Variants in RIMS2 observed in about 807,000 individuals in gnomAD.
The protein encoded by RIMS2 is regulating synaptic membrane exocytosis protein 2.
RIMS2 carries 59 observed loss-of-function variants against 174.4 expected under a neutral mutation model. The observed-to-expected ratio is 0.34, with a 90% confidence interval of 0.27 to 0.42. The LOEUF (loss-of-function observed/expected upper bound fraction) is 0.42. Among genes scored for constraint, RIMS2 ranks in the 10% least tolerant of loss-of-function variants. The pLI is 1.00. For synonymous variants in RIMS2, 606 were observed against 572.5 expected, an observed-to-expected ratio of 1.06 and a Z score of -0.84; for missense variants, 1,620 against 1,666.3, an observed-to-expected ratio of 0.97 and a Z score of 0.48.
intron 19 of RIMS2, among the ~76,000 whole-genome samples, chr8:104,024,781 G>T (rs2154555452): frequency 6.6e-6 from 1 of 152,252 alleles, no homozygotes; most frequent in South Asian, 2.1e-4. Context: ...TAAGATTGTG[G>T]TACATATTCA....
intron 19 of RIMS2, among the ~76,000 whole-genome samples, chr8:104,055,574 G>A (rs1450612468): frequency 1.3e-5 from 2 of 151,842 alleles, no homozygotes; most frequent in Admixed American, 1.3e-4. Context: ...CTTCTCTGAG[G>A]GAATTTTCAT....
chr8:103,770,490 CG>C (rs2098239196), intron 3 of RIMS2, among the ~76,000 whole-genome samples: 1 of 152,034 alleles, frequency 6.6e-6, no homozygotes, highest in African/African-American at 2.4e-5. Context: ...GTAGCAGAAT[CG>C]CTTGAACCTG....
Position 104,051,826 on chromosome 8 carries a change from T to C in RIMS2, c.3334+37211T>C, listed in dbSNP as rs542817383. 2.6e-4 allele frequency among the ~76,000 whole-genome samples: 39 copies of C among 152,334 alleles called. No individual in the cohort carries two copies. In the South Asian group the frequency reaches 6.4e-3, roughly 25 times the overall value. The stretch of plus-strand genomic sequence containing the variant: ...AGAAAAAAATAAGTCCTAGCACATA[T>C]AGTTGTGCTGATTAAGTGACAGACA... On this transcript the variant is annotated intron_variant, in intron 19 of 23. Coordinates refer to ENST00000504942, the Ensembl canonical transcript of RIMS2.
chr8:103,907,064 T>G (rs1027283247), intron 4 of RIMS2, among the ~76,000 whole-genome samples: 1 of 152,242 alleles, frequency 6.6e-6, no homozygotes, highest in African/African-American at 2.4e-5. Context: ...TTTTATAAAT[T>G]AGTTTCTTAA....
chr8:104,226,679 G>A (rs1298049878), intron 19 of RIMS2, among the ~76,000 whole-genome samples: 1 of 152,166 alleles, frequency 6.6e-6, no homozygotes, highest in Non-Finnish European at 1.5e-5. Context: ...CCTAATTTAG[G>A]AGTTAGAGAA....
At chr8:103,699,578 A>G (rs1321739261) in intron 2 of RIMS2, among the ~76,000 whole-genome samples, 4 of 151,462 alleles carry the variant, frequency 2.6e-5, no homozygotes. Flanking sequence ...TTCTGCTTTG[A>G]TCTTTTTTTC....
intron 19 of RIMS2, 31 bp from the exon 26 acceptor site, chr8:104,244,885 G>C (rs762591564): frequency 1.9e-6 from 3 of 1,592,006 alleles, no homozygotes; most frequent in Admixed American, 1.7e-5. Context: ...TGATTACAAA[G>C]CTGTTACACT....
Position 103,502,151 on chromosome 8 carries a change from A to G in RIMS2, c.176+1089A>G, listed in dbSNP as rs543647801. 6.6e-5 allele frequency among the ~76,000 whole-genome samples: 10 copies of G among 152,308 alleles called. No homozygotes were observed. In the South Asian group the frequency reaches 2.1e-3, roughly 32 times the overall value. ...GATTCTTTTGCGTTTTGTCAAGTAT[A>G]CGTTTCCCATATTCTCCACAGAAAT... On this transcript the variant is annotated intron_variant, in intron 1 of 23. Transcript: ENST00000504942.
intron 1 of RIMS2, among the ~76,000 whole-genome samples, chr8:103,598,455 A>G (rs923008237): frequency 6.6e-6 from 1 of 152,210 alleles, no homozygotes; most frequent in African/African-American, 2.4e-5. Context: ...GTAATCTTAC[A>G]AAAATGGAAT....
chr8:103,575,733 T>G (rs999156145), intron 1 of RIMS2, among the ~76,000 whole-genome samples: 2 of 150,412 alleles, frequency 1.3e-5, no homozygotes, highest in South Asian at 4.2e-4. Context: ...ACCAGTAATA[T>G]CCCAGAATTC....
rs114031758 is a variant in RIMS2, at chr8:103,810,731, T to C, written c.698+44194T>C. Among the ~76,000 whole-genome samples, 1,094 of 152,254 alleles carry C rather than the reference T, an allele frequency of 7.2e-3. 22 individuals are homozygous for C. The highest frequency in any genetic ancestry group is 0.025 in the African/African-American group (1,033 of 41,534). On this transcript the variant is annotated intron_variant, in intron 3 of 23. Coordinates refer to ENST00000504942, the Ensembl canonical transcript of RIMS2. ...TAAAGCACTTTTTTCTGACAGCCAA[T>C]GTCAAAGTGAAACAAATATTTGTAT...
intron 17 of RIMS2, among the ~76,000 whole-genome samples, chr8:104,005,502 T>A (rs1596950722): frequency 6.6e-6 from 1 of 152,140 alleles, no homozygotes; most frequent in Non-Finnish European, 1.5e-5. Flanking sequence ...TAAGGAAGTT[T>A]ATTAACAATG....
At chr8:104,123,896 AC>A (rs757870489) in intron 19 of RIMS2, among the ~76,000 whole-genome samples, 4 of 152,144 alleles carry the variant, frequency 2.6e-5, no homozygotes, top group Non-Finnish European at 5.9e-5. Context: ...ATACACCAAC[AC>A]ATGAAAAAAT....
chr8:103,572,143 C>G (rs925616610), intron 1 of RIMS2, among the ~76,000 whole-genome samples: 1 of 152,084 alleles, frequency 6.6e-6, no homozygotes, highest in Non-Finnish European at 1.5e-5. Flanking sequence ...GGTTCATGGT[C>G]TCGCTTGACT....
chr8:103,977,043 T>C (rs1034508233), intron 16 of RIMS2: 1 of 152,212 alleles, frequency 6.6e-6, no homozygotes, highest in Non-Finnish European at 1.5e-5. Context: ...TTTGACCAGT[T>C]AGAATGACAC....
intron 12 of RIMS2, among the ~76,000 whole-genome samples, chr8:103,934,220 T>C (rs2080698496): frequency 6.6e-6 from 1 of 152,128 alleles, no homozygotes. Context: ...GGTTGGATTT[T>C]ATTTTTTAAA....
At chr8:103,785,083 T>C (rs1165312688) in intron 3 of RIMS2, among the ~76,000 whole-genome samples, 1 of 141,894 alleles carries the variant, frequency 7.0e-6, no homozygotes, top group African/African-American at 2.7e-5. Context: ...CTGTTATTGG[T>C]GCGTAAGAAT....
chr8:103,860,186 C>T (rs2099051012), intron 3 of RIMS2, among the ~76,000 whole-genome samples: 1 of 151,978 alleles, frequency 6.6e-6, no homozygotes, highest in African/African-American at 2.4e-5. Flanking sequence ...AAATTTATTG[C>T]CTATTGAACT....
intron 3 of RIMS2, among the ~76,000 whole-genome samples, chr8:103,882,264 A>G (rs1046645143): frequency 3.3e-5 from 5 of 151,564 alleles, no homozygotes; most frequent in South Asian, 2.1e-4. Flanking sequence ...TTGAATTTAC[A>G]CTGATTTTAT....
Sources: gnomAD v4.1 joint callset for allele counts (sites outside exome capture counted in the v4.1 genomes callset) on GRCh38, gnomAD v4.1.1 for gene constraint, MANE v1.5 for transcripts, NCBI Gene and HGNC (gene_info 2026-07-23, HGNC 2026-07-21) for gene names.